Variants in FRMD3 observed in about 807,000 individuals in gnomAD.
FRMD3 encodes the protein FERM domain containing 3.
FRMD3 carries 33 observed loss-of-function variants against 70.2 expected under a neutral mutation model. The ratio of observed to expected loss-of-function variants is 0.47; its 90% CI spans 0.36 to 0.63. The LOEUF (loss-of-function observed/expected upper bound fraction) is 0.63. FRMD3 is among the 20% of genes least tolerant of loss of function. The pLI is 0.00. For synonymous variants in FRMD3, 279 were observed against 255.9 expected (o/e 1.09, Z -0.86); for missense variants, 632 against 711.4 (o/e 0.89, Z 1.27).
At chr9:83,441,261 T>C (rs1465665111) in intron 1 of FRMD3, among the ~76,000 whole-genome samples, 1 of 152,200 alleles carries the variant, frequency 6.6e-6, no homozygotes, top group East Asian at 1.9e-4. Flanking sequence ...AATTTTGTTT[T>C]TGTTATTTCA....
intron 1 of FRMD3, among the ~76,000 whole-genome samples, chr9:83,403,146 C>T (rs1039642163): frequency 6.6e-6 from 1 of 152,018 alleles, no homozygotes; most frequent in Non-Finnish European, 1.5e-5. Flanking sequence ...TCAGGTGATT[C>T]GCCTGCCTCA....
intron 1 of FRMD3, among the ~76,000 whole-genome samples, chr9:83,448,643 C>T (rs1400581073): frequency 2.6e-5 from 4 of 152,184 alleles, no homozygotes; most frequent in African/African-American, 9.7e-5. Flanking sequence ...CTCTGAGCCA[C>T]TCTCCATTCC....
chr9:83,474,257 A>C (rs1209295991), intron 1 of FRMD3, among the ~76,000 whole-genome samples: 2 of 152,184 alleles, frequency 1.3e-5, no homozygotes, highest in African/African-American at 4.8e-5. Flanking sequence ...TGGAAGAATT[A>C]CTGTTCTTTC....
the FRMD3 span, among the ~76,000 whole-genome samples, chr9:83,576,570 T>G: frequency 6.6e-6 from 1 of 152,110 alleles, no homozygotes; most frequent in African/African-American, 2.4e-5. Context: ...ACGAGTTATT[T>G]TTCCTGATCC....
At chr9:83,254,475 C>G (rs1415237625) in intron 13 of FRMD3, among the ~76,000 whole-genome samples, 1 of 151,034 alleles carries the variant, frequency 6.6e-6, no homozygotes, top group Admixed American at 6.6e-5. Flanking sequence ...ACTAAAAGAA[C>G]TAGAGAACCA....
At chr9:83,568,297 A>G in the FRMD3 span, among the ~76,000 whole-genome samples, 2 of 152,204 alleles carry the variant, frequency 1.3e-5, no homozygotes, top group Non-Finnish European at 2.9e-5. Flanking sequence ...ATTCTGGGAG[A>G]TACAATTCAA....
In FRMD3 at chr9:83,255,508, A is replaced by G. The variant is rs568166428; in HGVS notation, c.1196-6992T>C. 1.3e-4 allele frequency among the ~76,000 whole-genome samples: 19 copies of G among 150,648 alleles called. No homozygotes were observed. In the South Asian group the frequency reaches 4.0e-3, roughly 32 times the overall value. ...CCCTCTTTCACCACTCCCATTTGAC[A>G]GAGTATTGGAAGTTCTGGCCAGCGC... On this transcript the variant is annotated intron_variant, in intron 13 of 13. Coordinates refer to ENST00000304195, the MANE Select transcript of FRMD3 (RefSeq NM_174938.6).
chr9:83,256,211 A>G (rs1832700589), intron 13 of FRMD3, among the ~76,000 whole-genome samples: 1 of 152,210 alleles, frequency 6.6e-6, no homozygotes, highest in Non-Finnish European at 1.5e-5. Flanking sequence ...TTCAGAAATA[A>G]GACTGCACAC....
chr9:83,521,752 G>A (rs1438842810), intron 1 of FRMD3, among the ~76,000 whole-genome samples: 1 of 152,222 alleles, frequency 6.6e-6, no homozygotes, highest in African/African-American at 2.4e-5. Context: ...CCACTGCACA[G>A]TAAGGAACTC....
At chr9:83,573,738 TTCTCTC>T in the FRMD3 span, among the ~76,000 whole-genome samples, 60 of 146,228 alleles carry the variant, frequency 4.1e-4, no homozygotes, top group South Asian at 6.7e-4. Context: ...AAAAGAACGA[TTCTCTC>T]TCTCTCTCTC....
At chr9:83,464,933 T>TTGTTTGGAGGCAGGAGAAC (rs1828080196) in intron 1 of FRMD3, among the ~76,000 whole-genome samples, 1 of 151,808 alleles carries the variant, frequency 6.6e-6, no homozygotes, top group South Asian at 2.1e-4. Flanking sequence ...GGCAGGAGAA[T>TTGTTTGGAGGCAGGAGAAC]TGTTTGAACC....
chr9:83,491,434 C>T (rs1316950716), intron 1 of FRMD3, among the ~76,000 whole-genome samples: 1 of 152,210 alleles, frequency 6.6e-6, no homozygotes, highest in Non-Finnish European at 1.5e-5. Context: ...AGAGCCTCCT[C>T]CAGCACATAC....
the FRMD3 span, among the ~76,000 whole-genome samples, chr9:83,578,141 A>G: frequency 0.014 from 2,163 of 151,952 alleles, 63 homozygotes; most frequent in African/African-American, 0.05. Context: ...ATAAAAAAAA[A>G]ATCTGAACAG....
At position 83,429,276 on chromosome 9, in the gene FRMD3, C is replaced by T. The variant is rs538537543; in HGVS notation, c.148-39568G>A. ...CTCACCACTGCTTGGGGCTCAGGTA[C>T]TCTGTACAATGAGAGCTTCCTTTCA... On this transcript the variant is annotated intron_variant, in intron 1 of 13. Coordinates refer to ENST00000304195, the MANE Select transcript of FRMD3 (RefSeq NM_174938.6). Among the ~76,000 whole-genome samples the T allele has an allele frequency of 7.2e-5, 11 of 152,288 alleles. No homozygotes were observed. In the South Asian group the frequency reaches 2.3e-3, roughly 32 times the overall value.
chr9:83,578,724 A>G, the FRMD3 span, among the ~76,000 whole-genome samples: 1 of 151,904 alleles, frequency 6.6e-6, no homozygotes, highest in South Asian at 2.1e-4. Flanking sequence ...ACTCAACAGT[A>G]AAAAATTGAA....
At chr9:83,275,177 G>A (rs574414607) in intron 13 of FRMD3, among the ~76,000 whole-genome samples, 3 of 152,284 alleles carry the variant, frequency 2.0e-5, no homozygotes, top group South Asian at 2.1e-4. Context: ...GCATGGGACC[G>A]AGCCGTCGGC....
intron 1 of FRMD3, among the ~76,000 whole-genome samples, chr9:83,500,816 G>A (rs151172751): frequency 1.2e-3 from 180 of 152,280 alleles, no homozygotes; most frequent in Non-Finnish European, 2.0e-3. Context: ...AAAGAGTGGA[G>A]AATAGGGGTT....
intron 1 of FRMD3, among the ~76,000 whole-genome samples, chr9:83,469,185 G>A (rs767496070): frequency 3.0e-4 from 45 of 152,170 alleles, no homozygotes; most frequent in Non-Finnish European, 5.0e-4. Context: ...ACAGTCCATC[G>A]CCAAGCAAAT....
intron 1 of FRMD3, among the ~76,000 whole-genome samples, chr9:83,400,551 A>G (rs538212200): frequency 6.6e-6 from 1 of 152,320 alleles, no homozygotes; most frequent in East Asian, 1.9e-4. Flanking sequence ...ATGTTTTGTG[A>G]AAAGGCAAAA....
Sources: gnomAD v4.1 joint callset for allele counts (sites outside exome capture counted in the v4.1 genomes callset) on GRCh38, gnomAD v4.1.1 for gene constraint, MANE v1.5 for transcripts, NCBI Gene and HGNC (gene_info 2026-07-23, HGNC 2026-07-21) for gene names.